SMARCA2: variants seen among roughly 807,000 people sequenced by gnomAD.
The protein encoded by SMARCA2 is SWI/SNF-related matrix-associated actin-dependent regulator of chromatin subfamily A member 2.
A neutral mutation model predicts 199.8 loss-of-function variants in SMARCA2; 61 were observed. That is an observed-to-expected ratio of 0.31 (90% CI 0.25 to 0.38). The LOEUF (loss-of-function observed/expected upper bound fraction) is 0.38, where lower values mean the gene tolerates loss of function less well. SMARCA2 is among the 10% of genes least tolerant of loss of function. The pLI is 1.00. For synonymous variants in SMARCA2, 935 were observed against 732.0 expected (o/e 1.28, Z -4.48); for missense variants, 1,344 against 2,012.2 (o/e 0.67, Z 6.35).
Position 2,088,659 on chromosome 9 carries a change from A to G in SMARCA2, c.2883+46A>G, listed in dbSNP as rs111756624. ...TTGTGGGTTTTTTTTTTCCTCCAGCAAATATATTTGAAGTACCTGCCTCTG... is the reference window on the plus strand; with the variant it reads ...TTGTGGGTTTTTTTTTTCCTCCAGCGAATATATTTGAAGTACCTGCCTCTG... On this transcript the variant is annotated intron_variant, in intron 19 of 33. Transcript: ENST00000349721. 372 of 1,348,052 alleles carry G rather than the reference A, an allele frequency of 2.8e-4. 1 individual carries two copies. In the African/African-American group the frequency reaches 5.0e-3, roughly 18 times the overall value. 83.5% of individuals were successfully genotyped at this position (1,348,052 alleles called of 1,614,324 possible).
intron 18 of SMARCA2, among the ~76,000 whole-genome samples, chr9:2,088,258 T>C (rs1251093030): frequency 1.3e-5 from 2 of 152,216 alleles, no homozygotes; most frequent in Non-Finnish European, 2.9e-5. Context: ...ACTGGTGGCT[T>C]CCGGGCTCTT....
chr9:2,177,264 G>C (rs961468644), intron 29 of SMARCA2, among the ~76,000 whole-genome samples: 6 of 152,176 alleles, frequency 3.9e-5, no homozygotes, highest in Admixed American at 3.9e-4. Context: ...CTTTAGGATT[G>C]TGATAGCTTT....
chr9:2,170,495 C>G lies in SMARCA2; in HGVS notation c.4253+23C>G, dbSNP rs747560119. ...CAGGTCAGGATCTGTCTTGTATTCC[C>G]CTATCTCTAAATACAGGTATCCCTC... is the stretch of plus-strand genomic sequence containing the variant. On this transcript the variant is annotated intron_variant, in intron 29 of 33. Transcript: ENST00000349721. This position sits in a 1 kb window ranked among gnomAD's most constrained non-coding sequence, Gnocchi z 4.7. 1 of 1,613,852 alleles carries G rather than the reference C, an allele frequency of 6.2e-7. No individual in the cohort carries two copies. The highest frequency in any genetic ancestry group is 1.1e-5 in the South Asian group (1 of 91,014).
chr9:2,024,066 A>G (rs933630827), intron 1 of SMARCA2, among the ~76,000 whole-genome samples: 8 of 152,206 alleles, frequency 5.3e-5, no homozygotes, highest in Non-Finnish European at 8.8e-5. Flanking sequence ...GAAAAAAGAC[A>G]GGCTGGAGAT....
At chr9:2,089,507 G>A (rs1447444372) in intron 19 of SMARCA2, among the ~76,000 whole-genome samples, 1 of 152,146 alleles carries the variant, frequency 6.6e-6, no homozygotes, top group African/African-American at 2.4e-5. Flanking sequence ...TCATTTTTAA[G>A]TGGGAGTTTT....
At chr9:2,092,978 G>A (rs1822126260) in intron 19 of SMARCA2, among the ~76,000 whole-genome samples, 1 of 152,178 alleles carries the variant, frequency 6.6e-6, no homozygotes, top group Non-Finnish European at 1.5e-5. Flanking sequence ...GTGATTCAGT[G>A]TGGTGGCTGT....
intron 24 of SMARCA2, among the ~76,000 whole-genome samples, chr9:2,114,491 T>C (rs7043117): frequency 0.32 from 49,288 of 151,984 alleles, 9,708 homozygotes; most frequent in African/African-American, 0.56. Flanking sequence ...TCTCTGCAAA[T>C]TATGGTGCCA....
intron 32 of SMARCA2, among the ~76,000 whole-genome samples, chr9:2,188,379 A>G (rs1003720547): frequency 2.6e-5 from 4 of 151,732 alleles, no homozygotes; most frequent in African/African-American, 7.3e-5. Context: ...CTTGCCCTCA[A>G]CATACATAAG....
intron 27 of SMARCA2, among the ~76,000 whole-genome samples, chr9:2,153,704 A>G (rs992987711): frequency 6.6e-5 from 10 of 152,174 alleles, no homozygotes; most frequent in African/African-American, 1.9e-4. Context: ...ATGTTTAGAC[A>G]TAAATTTTTT....
chr9:2,150,621 C>G (rs1038226101), intron 27 of SMARCA2, among the ~76,000 whole-genome samples: 1 of 151,642 alleles, frequency 6.6e-6, no homozygotes, highest in African/African-American at 2.4e-5. Flanking sequence ...TCCATATGTA[C>G]ACATTCCCAT....
intron 22 of SMARCA2, among the ~76,000 whole-genome samples, chr9:2,103,288 G>A (rs527715257): frequency 5.3e-5 from 8 of 152,270 alleles, no homozygotes; most frequent in African/African-American, 1.4e-4. Context: ...AGACAATAGA[G>A]ATGAGTGAGT....
intron 28 of SMARCA2, among the ~76,000 whole-genome samples, chr9:2,164,287 T>G (rs762367850): frequency 2.0e-4 from 30 of 152,136 alleles, no homozygotes; most frequent in Admixed American, 1.4e-3. Context: ...GGTAGGAGAT[T>G]ATATGCCTTA....
At chr9:2,184,990 A>G (rs1324719997) in intron 31 of SMARCA2, among the ~76,000 whole-genome samples, 2 of 152,214 alleles carry the variant, frequency 1.3e-5, no homozygotes, top group African/African-American at 2.4e-5. Context: ...ATATGTTCCT[A>G]AAGAGCAGGG....
intron 2 of SMARCA2, among the ~76,000 whole-genome samples, chr9:2,032,071 G>C: frequency 6.6e-6 from 1 of 151,888 alleles, no homozygotes; most frequent in East Asian, 1.9e-4. Flanking sequence ...GCATACTTTT[G>C]ACTCTGCAGA....
chr9:2,066,318 C>G (rs754808987), intron 9 of SMARCA2, among the ~76,000 whole-genome samples: 10 of 152,194 alleles, frequency 6.6e-5, no homozygotes, highest in Admixed American at 5.2e-4. Flanking sequence ...CTACTGAAGT[C>G]TTCTTTTGAG....
intron 5 of SMARCA2, among the ~76,000 whole-genome samples, chr9:2,050,396 A>G (rs1232867467): frequency 2.1e-5 from 3 of 145,952 alleles, no homozygotes; most frequent in Non-Finnish European, 4.5e-5. Flanking sequence ...GCTTTCTTCT[A>G]TTTAGAGTTA....
intron 27 of SMARCA2, among the ~76,000 whole-genome samples, chr9:2,132,490 A>G (rs1366689263): frequency 6.6e-6 from 1 of 152,218 alleles, no homozygotes. Context: ...CATAATGTGC[A>G]TCATGTTTGT....
At chr9:2,034,969 T>C (rs1028072521) in intron 3 of SMARCA2, among the ~76,000 whole-genome samples, 32 of 152,250 alleles carry the variant, frequency 2.1e-4, no homozygotes, top group Admixed American at 5.2e-4. Flanking sequence ...ATCATTTACA[T>C]TTGAAGGGGC....
intron 27 of SMARCA2, among the ~76,000 whole-genome samples, chr9:2,146,247 A>G (rs1416519225): frequency 6.6e-6 from 1 of 152,140 alleles, no homozygotes. Flanking sequence ...TAATAAGGGC[A>G]CTATTCCCAA....
Sources: allele counts gnomAD v4.1 joint callset (sites outside exome capture counted in the v4.1 genomes callset), GRCh38; gene constraint gnomAD v4.1.1; non-coding constraint Gnocchi (gnomAD v3.1); transcripts MANE v1.5; gene names NCBI Gene and HGNC (gene_info 2026-07-23, HGNC 2026-07-21).